RAX2: variants seen among roughly 807,000 people sequenced by gnomAD.
RAX2 encodes retina and anterior neural fold homeobox 2, also known as retina and anterior neural fold homeobox protein 2.
A neutral mutation model predicts 5.8 loss-of-function variants in RAX2; 4 were observed. That is an observed-to-expected ratio of 0.69 (90% confidence interval 0.34 to 1.58). The LOEUF is 1.58. Among genes scored for constraint, RAX2 ranks in the 40% most tolerant of loss-of-function variants. The pLI, the probability that RAX2 is intolerant of heterozygous loss-of-function variation, is 0.05. For missense variants in RAX2, 275 were observed against 271.4 expected (o/e 1.01, Z -0.09); for synonymous variants, 133 against 128.8 (o/e 1.03, Z -0.22).
chr19:3,771,857 G>T lies in RAX2; in HGVS notation c.-115C>A, dbSNP rs151337691. ...CTTGCCTCCCGGCTCCGGGGAAATC[G>T]GTTCCCTCCACTGGGGCCGGCATGC... is the stretch of plus-strand genomic sequence containing the variant. On this transcript the variant is annotated 5_prime_UTR_variant, in exon 2 of 3. Transcript: ENST00000555633. This position sits in a 1 kb window ranked among gnomAD's most constrained non-coding sequence, Gnocchi z 4.2. 1.4e-5 allele frequency: 20 copies of T among 1,457,332 alleles called. No homozygotes were observed. Among genetic ancestry groups the T allele is most frequent in the Non-Finnish European group, 1.8e-5 (20 of 1,106,798 alleles). 90.3% of individuals were successfully genotyped at this position (1,457,332 alleles called of 1,614,324 possible). A position where few individuals can be genotyped will look rare whatever the true frequency, so the allele number is the denominator to read the frequency against.
In RAX2 at chr19:3,770,662, C is replaced by T. The variant is rs773857866; in HGVS notation, c.514G>A (p.Glu172Lys). ...EEASLRLLAK[E>K]HAQALDRAWP... The stretch of plus-strand genomic sequence containing the variant: ...GCCCTGTCCAGAGCCTGTGCATGTT[C>T]CTTGGCCAGCAGCCGCAGGGACGCC... Residue 172 changes from glutamate to lysine, a missense_variant, in exon 3 of 3, where the codon GAA becomes AAA. Glu to Lys is a moderately conservative substitution (Grantham distance 56). Transcript: ENST00000555633. 2.1e-5 allele frequency: 32 copies of T among 1,535,382 alleles called. No individual in the cohort carries two copies. The South Asian group carries it at 3.3e-4, about 16-fold the overall frequency.
In RAX2 at chr19:3,770,399, C is replaced by G; in HGVS notation, c.*222G>C. 1 of 549,476 alleles carries G rather than the reference C, an allele frequency of 1.8e-6. No homozygotes were observed. 34.0% of individuals were successfully genotyped at this position (549,476 alleles called of 1,614,324 possible). On this transcript the variant is annotated 3_prime_UTR_variant, in exon 3 of 3. Coordinates refer to ENST00000555633, the MANE Select transcript of RAX2 (RefSeq NM_001319074.4). ...GTCACCTCCTGCCTGACACTGGGGG[C>G]CAGTCCGCTGCCAGCAGGACGGGTG... is the stretch of plus-strand genomic sequence containing the variant.
At position 3,770,588 on chromosome 19, in the gene RAX2, G is replaced by T; in HGVS notation, c.*33C>A. On this transcript the variant is annotated 3_prime_UTR_variant, in exon 3 of 3. Transcript: ENST00000555633. Reference sequence around the variant, plus strand: ...AGGGCACGTCCCCGGTTCTCGGGTTGGGCCGAGGAGGGGGCCCGGGAGGGC... The same window carrying T: ...AGGGCACGTCCCCGGTTCTCGGGTTTGGCCGAGGAGGGGGCCCGGGAGGGC... The T allele has an allele frequency of 6.6e-7, 1 of 1,519,370 alleles. No homozygotes were observed. Among genetic ancestry groups the T allele is most frequent in the African/African-American group, 1.4e-5 (1 of 72,442 alleles). The allele number at this position is 1,519,370 out of a possible 1,614,324, so 94.1% of individuals were successfully genotyped here. A position where few individuals can be genotyped will look rare whatever the true frequency, so the allele number is the denominator to read the frequency against.
chr19:3,770,805 G>A lies in RAX2; in HGVS notation c.371C>T (p.Pro124Leu). 5.3e-6 allele frequency: 8 copies of A among 1,520,016 alleles called. No homozygotes were observed. Among genetic ancestry groups the A allele is most frequent in the Non-Finnish European group, 7.0e-6 (8 of 1,140,220 alleles). 94.2% of individuals were successfully genotyped at this position (1,520,016 alleles called of 1,614,324 possible). ...GAGGCCTGGCACGGCCGGCGGTCCGGGGCCCAACCAGGGCTCCAGGGGCAG... is the reference window on the plus strand; with the variant it reads ...GAGGCCTGGCACGGCCGGCGGTCCGAGGCCCAACCAGGGCTCCAGGGGCAG... ...MSLPLEPWLG[P>L]GPPAVPGLPR... The change falls in exon 3 of 3, where the codon CCC becomes CTC. Residue 124 changes from proline to leucine, a missense_variant. Transcript: ENST00000555633.
In RAX2 at chr19:3,771,133, A is replaced by G. The variant is rs1000425934; in HGVS notation, c.217-174T>C. Among the ~76,000 whole-genome samples the G allele has an allele frequency of 2.0e-4, 30 of 149,644 alleles. No homozygotes were observed. The highest frequency in any genetic ancestry group is 3.4e-3 in the Middle Eastern group (1 of 294). ...GATGAGGATCTCCCAAGCGTTCCCT[A>G]AGCCCAGGCTCCCCTCCAACTCCTC... On this transcript the variant is annotated intron_variant, in intron 2 of 2. Coordinates refer to ENST00000555633, the MANE Select transcript of RAX2 (RefSeq NM_001319074.4). This position sits in a 1 kb window ranked among gnomAD's most constrained non-coding sequence, Gnocchi z 4.2.
Position 3,772,163 on chromosome 19 carries a change from C to T in RAX2, c.-269G>A, listed in dbSNP as rs981516220. The T allele has an allele frequency of 1.5e-5, 7 of 461,374 alleles. 1 individual carries two copies. The highest frequency in any genetic ancestry group is 4.7e-5 in the Admixed American group (2 of 42,256). 28.6% of individuals were successfully genotyped at this position (461,374 alleles called of 1,614,324 possible). A position where few individuals can be genotyped will look rare whatever the true frequency, so the allele number is the denominator to read the frequency against. On this transcript the variant is annotated splice_region_variant and 5_prime_UTR_variant, in exon 1 of 3. Transcript: ENST00000555633. ...CCACCAGTGCCCACCCCGCACTCACCGCCCACGGCAGCCCCTCCGTCGATT... is the reference window on the plus strand; with the variant it reads ...CCACCAGTGCCCACCCCGCACTCACTGCCCACGGCAGCCCCTCCGTCGATT...
chr19:3,772,163 CGCCCACGGCA>C lies in RAX2; in HGVS notation c.-279_-270del, dbSNP rs572518936. On this transcript the variant is annotated splice_region_variant and 5_prime_UTR_variant, in exon 1 of 3. Transcript: ENST00000555633. ...CCACCAGTGCCCACCCCGCACTCAC[CGCCCACGGCA>C]GCCCCTCCGTCGATTTCCACGGGAC... The C allele has an allele frequency of 2.0e-3, 904 of 461,482 alleles. 9 individuals carry two copies. Among genetic ancestry groups the C allele is most frequent in the African/African-American group, 0.016 (804 of 50,542 alleles). The allele number at this position is 461,482 out of a possible 1,614,324, so 28.6% of individuals were successfully genotyped here.
chr19:3,771,990 CCTCT>C lies in RAX2; in HGVS notation c.-252_-249del, dbSNP rs1165725005. ...TGTCACCGTCCCTGTTTTCTCTTCC[CCTCT>C]CTGTGACTGTCACGGCCTGTGTGTG... On this transcript the variant is annotated 5_prime_UTR_variant, in exon 2 of 3. Coordinates refer to ENST00000555633, the MANE Select transcript of RAX2 (RefSeq NM_001319074.4). The surrounding 1 kb of genome is among the most constrained non-coding windows in gnomAD (Gnocchi z 4.2). The C allele has an allele frequency of 7.7e-6, 5 of 647,372 alleles. No homozygotes were observed. Among genetic ancestry groups the C allele is most frequent in the Non-Finnish European group, 1.3e-5 (5 of 382,784 alleles). The allele number at this position is 647,372 out of a possible 1,614,324, so 40.1% of individuals were successfully genotyped here. A position where few individuals can be genotyped will look rare whatever the true frequency, so the allele number is the denominator to read the frequency against.
chr19:3,770,282 G>A lies in RAX2; in HGVS notation c.*339C>T, dbSNP rs1053243121. ...CGCCACCCACAGCCTCGCAGCCCTC[G>A]AACCTCGGAGGCCCCCACGCCCAAT... On this transcript the variant is annotated 3_prime_UTR_variant, in exon 3 of 3. Transcript: ENST00000555633. 5 of 364,804 alleles carry A rather than the reference G, an allele frequency of 1.4e-5. No individual in the cohort carries two copies. The highest frequency in any genetic ancestry group is 6.4e-5 in the African/African-American group (3 of 46,560). The allele number at this position is 364,804 out of a possible 1,614,324, so 22.6% of individuals were successfully genotyped here.
rs958789268 is a variant in RAX2 at position 3,771,236 on chromosome 19, G to A, written c.217-277C>T. ...CGTGGCATTCAAGGCCTTCAAAAGC[G>A]TTGTTACCCACACCATTCTCTGCCT... On this transcript the variant is annotated intron_variant, in intron 2 of 2. Coordinates refer to ENST00000555633, the MANE Select transcript of RAX2 (RefSeq NM_001319074.4). The surrounding 1 kb of genome is among the most constrained non-coding windows in gnomAD (Gnocchi z 4.2). Among the ~76,000 whole-genome samples, 7 of 152,134 alleles carry A rather than the reference G, an allele frequency of 4.6e-5. No individual in the cohort carries two copies. The highest frequency in any genetic ancestry group is 2.1e-4 in the South Asian group (1 of 4,834).
chr19:3,770,443 G>A lies in RAX2; in HGVS notation c.*178C>T. 1.7e-6 allele frequency: 1 copy of A among 588,756 alleles called. No homozygotes were observed. Among genetic ancestry groups the A allele is most frequent in the Non-Finnish European group, 2.9e-6 (1 of 342,292 alleles). 36.5% of individuals were successfully genotyped at this position (588,756 alleles called of 1,614,324 possible). On this transcript the variant is annotated 3_prime_UTR_variant, in exon 3 of 3. Transcript: ENST00000555633. ...ACGGGTGGCGATGGGGTGGGAGACG[G>A]GATGGGGGCAGGGAACCCAGCAGCC...
At position 3,771,869 on chromosome 19, in the gene RAX2, T is replaced by A. The variant is rs1293432590; in HGVS notation, c.-127A>T. ...CTCCGGGGAAATCGGTTCCCTCCAC[T>A]GGGGCCGGCATGCGCTCTGCATCCC... On this transcript the variant is annotated 5_prime_UTR_variant, in exon 2 of 3. Coordinates refer to ENST00000555633, the MANE Select transcript of RAX2 (RefSeq NM_001319074.4). The surrounding 1 kb of genome is among the most constrained non-coding windows in gnomAD (Gnocchi z 4.2). The A allele has an allele frequency of 2.1e-6, 3 of 1,453,026 alleles. No individual in the cohort carries two copies. Among genetic ancestry groups the A allele is most frequent in the African/African-American group, 1.4e-5 (1 of 70,674 alleles). The allele number at this position is 1,453,026 out of a possible 1,614,324, so 90.0% of individuals were successfully genotyped here.
At position 3,770,735 on chromosome 19, in the gene RAX2, C is replaced by T. The variant is rs761243587; in HGVS notation, c.441G>A (p.Gly147=). The change falls in exon 3 of 3, where the codon GGG becomes GGA. Residue 147 remains glycine (G), a synonymous_variant. Coordinates refer to ENST00000555633, the MANE Select transcript of RAX2 (RefSeq NM_001319074.4). ...CGAAGGTGGGAGCAAAGGCATGAGG[C>T]CCGAAGGACGCTTGCAGCCCCGGGC... ...GPGPGLQASF[G]PHAFAPTFAD... is the part of the protein sequence containing the mutation. The T allele has an allele frequency of 1.3e-6, 2 of 1,534,142 alleles. No homozygotes were observed. Among genetic ancestry groups the T allele is most frequent in the South Asian group, 1.2e-5 (1 of 83,976 alleles).
chr19:3,770,193 G>A lies in RAX2; in HGVS notation c.*428C>T. On this transcript the variant is annotated 3_prime_UTR_variant, in exon 3 of 3. Coordinates refer to ENST00000555633, the MANE Select transcript of RAX2 (RefSeq NM_001319074.4). ...GGACTGGGAGCCTGGAGAGTGGGCA[G>A]CTCTGCTGATGGGGATTAGGAGAAG... 5.4e-6 allele frequency: 1 copy of A among 184,454 alleles called. No individual in the cohort carries two copies. The highest frequency in any genetic ancestry group is 1.6e-4 in the East Asian group (1 of 6,320). The allele number at this position is 184,454 out of a possible 1,614,324, so 11.4% of individuals were successfully genotyped here.
At position 3,771,921 on chromosome 19, in the gene RAX2, G is replaced by T. The variant is rs1359006134; in HGVS notation, c.-179C>A. On this transcript the variant is annotated 5_prime_UTR_variant, in exon 2 of 3. Transcript: ENST00000555633. This position sits in a 1 kb window ranked among gnomAD's most constrained non-coding sequence, Gnocchi z 4.2. ...AGGCTGTCCTCCTCGGGCTTGGGGG[G>T]GTCTCCTGCTGTGCCTCTGTCTGCT... The T allele has an allele frequency of 8.3e-7, 1 of 1,210,304 alleles. No homozygotes were observed. The highest frequency in any genetic ancestry group is 1.1e-6 in the Non-Finnish European group (1 of 893,428). 75.0% of individuals were successfully genotyped at this position (1,210,304 alleles called of 1,614,324 possible).
At position 3,771,956 on chromosome 19, in the gene RAX2, C is replaced by A. The variant is rs568840271; in HGVS notation, c.-214G>T. ...TGTGCCTCTGTCTGCTCTTCCTTCTCTCTGTGTGTGTCACCGTCCCTGTTT... is the reference window on the plus strand; with the variant it reads ...TGTGCCTCTGTCTGCTCTTCCTTCTATCTGTGTGTGTCACCGTCCCTGTTT... On this transcript the variant is annotated 5_prime_UTR_variant, in exon 2 of 3. Transcript: ENST00000555633. The surrounding 1 kb of genome is among the most constrained non-coding windows in gnomAD (Gnocchi z 4.2). The A allele has an allele frequency of 1.2e-5, 10 of 834,816 alleles. No individual in the cohort carries two copies. The African/African-American group carries it at 1.7e-4, about 15-fold the overall frequency. 51.7% of individuals were successfully genotyped at this position (834,816 alleles called of 1,614,324 possible).
Position 3,771,403 on chromosome 19 carries a change from C to T in RAX2, c.216+124G>A. 1.2e-6 allele frequency: 1 copy of T among 802,198 alleles called. No individual in the cohort carries two copies. The highest frequency in any genetic ancestry group is 2.1e-6 in the Non-Finnish European group (1 of 485,474). The allele number at this position is 802,198 out of a possible 1,614,324, so 49.7% of individuals were successfully genotyped here. A position where few individuals can be genotyped will look rare whatever the true frequency, so the allele number is the denominator to read the frequency against. ...TACTCAAATGTCAAAACCTCAGCTC[C>T]CACACCCCCTCCTCCAGGAAGCCTT... On this transcript the variant is annotated intron_variant, in intron 2 of 2. Coordinates refer to ENST00000555633, the MANE Select transcript of RAX2 (RefSeq NM_001319074.4). This position sits in a 1 kb window ranked among gnomAD's most constrained non-coding sequence, Gnocchi z 4.2.
At position 3,771,583 on chromosome 19, in the gene RAX2, C is replaced by T. The variant is rs1676548519; in HGVS notation, c.160G>A (p.Val54Met). ...RAFEASHYPDVYSREELAAKV... is the reference protein window; with the variant it reads ...RAFEASHYPDMYSREELAAKV... ...GCTGCCAGCTCCTCACGGCTGTACACATCCGGGTAGTGAGAGGCCTCGAAC... is the reference window on the plus strand; with the variant it reads ...GCTGCCAGCTCCTCACGGCTGTACATATCCGGGTAGTGAGAGGCCTCGAAC... The change falls in exon 2 of 3, where the codon GTG becomes ATG. Residue 54 changes from valine (V) to methionine (M), a missense_variant. Val to Met is a conservative substitution (Grantham distance 21). Coordinates refer to ENST00000555633, the MANE Select transcript of RAX2 (RefSeq NM_001319074.4). This position sits in a 1 kb window ranked among gnomAD's most constrained non-coding sequence, Gnocchi z 4.2. The T allele has an allele frequency of 1.2e-6, 2 of 1,611,542 alleles. No individual in the cohort carries two copies. Among genetic ancestry groups the T allele is most frequent in the Non-Finnish European group, 1.7e-6 (2 of 1,179,316 alleles).
At position 3,770,661 on chromosome 19, in the gene RAX2, T is replaced by C; in HGVS notation, c.515A>G (p.Glu172Gly). ...GGCCCTGTCCAGAGCCTGTGCATGT[T>C]CCTTGGCCAGCAGCCGCAGGGACGC... ...EEASLRLLAKEHAQALDRAWP... is the reference protein window; with the variant it reads ...EEASLRLLAKGHAQALDRAWP... The change falls in exon 3 of 3, where the codon GAA becomes GGA. Residue 172 changes from glutamate to glycine, a missense_variant. Transcript: ENST00000555633. 6.5e-7 allele frequency: 1 copy of C among 1,535,388 alleles called. No individual in the cohort carries two copies. The highest frequency in any genetic ancestry group is 1.9e-4 in the Middle Eastern group (1 of 5,364).
Sources: allele counts gnomAD v4.1 joint callset (sites outside exome capture counted in the v4.1 genomes callset), GRCh38; gene constraint gnomAD v4.1.1; non-coding constraint Gnocchi (gnomAD v3.1); transcripts MANE v1.5; gene names NCBI Gene and HGNC (gene_info 2026-07-23, HGNC 2026-07-21).